Variants in SYNE2 observed in about 807,000 individuals in gnomAD.
SYNE2 encodes the protein nesprin-2.
Under a neutral mutation model 856.3 loss-of-function variants are expected in SYNE2, and 431 were observed. The ratio of observed to expected loss-of-function variants is 0.50; its 90% CI spans 0.47 to 0.55. The LOEUF is 0.55. SYNE2 is among the 20% of genes least tolerant of loss of function. The pLI, the probability that SYNE2 is intolerant of heterozygous loss-of-function variation, is 0.00. For synonymous variants in SYNE2, 2,923 were observed against 2,872.3 expected, an observed-to-expected ratio of 1.02 and a Z score of -0.56; for missense variants, 8,129 against 8,023.2, an observed-to-expected ratio of 1.01 and a Z score of -0.50.
Position 64,141,501 on chromosome 14 carries a change from A to T in SYNE2, c.15137A>T (p.Asp5046Val). ...KWTMLITQLP[D>V]IQEKLHQLQM... ...ACAATGCTCATAACTCAACTTCCAG[A>T]TATTCAAGAAAAACTTCACCAGGTA... is the stretch of plus-strand genomic sequence containing the variant. Residue 5046 changes from aspartate (D) to valine (V), a missense_variant, in exon 81 of 116, where the codon GAT becomes GTT. Physicochemically the swap from Asp to Val is radical, Grantham distance 152 (BLOSUM62 -3). Coordinates refer to ENST00000555002, the MANE Select transcript of SYNE2 (RefSeq NM_182914.3). 1 of 1,614,056 alleles carries T rather than the reference A, an allele frequency of 6.2e-7. No homozygotes were observed.
At chr14:63,776,020 T>C (rs1195557992) in intron 1 of SYNE2, among the ~76,000 whole-genome samples, 1 of 152,196 alleles carries the variant, frequency 6.6e-6, no homozygotes, top group African/African-American at 2.4e-5. Flanking sequence ...TTCATTTAAA[T>C]AGCATCTTAA....
chr14:64,020,875 TC>T (rs150116660), intron 35 of SYNE2, among the ~76,000 whole-genome samples: 1,717 of 152,348 alleles, frequency 0.011, 27 homozygotes, highest in African/African-American at 0.039. Context: ...AGCTTTATAA[TC>T]TTGGACAAGT....
At chr14:63,846,321 T>C (rs1595168764) in intron 1 of SYNE2, among the ~76,000 whole-genome samples, 1 of 152,268 alleles carries the variant, frequency 6.6e-6, no homozygotes, top group East Asian at 1.9e-4. Context: ...GTGCTAGGAT[T>C]ATAGGTGAGA....
chr14:64,039,509 A>G (rs79236861), intron 45 of SYNE2, among the ~76,000 whole-genome samples: 1,719 of 152,304 alleles, frequency 0.011, 27 homozygotes, highest in African/African-American at 0.039. Context: ...CTCACCTCCT[A>G]TTCTTTTCCA....
At chr14:64,115,913 G>A (rs2097850504) in intron 66 of SYNE2, among the ~76,000 whole-genome samples, 1 of 152,158 alleles carries the variant, frequency 6.6e-6, no homozygotes, top group African/African-American at 2.4e-5. Context: ...CAGCACTTTG[G>A]GAGGCCAAGG....
intron 6 of SYNE2, among the ~76,000 whole-genome samples, chr14:63,948,264 TA>T (rs1445313324): frequency 3.9e-5 from 6 of 152,222 alleles, no homozygotes; most frequent in African/African-American, 1.4e-4. Flanking sequence ...AATTGACATT[TA>T]AAAAATATTG....
At chr14:64,063,926 C>T (rs760741195) in intron 50 of SYNE2, among the ~76,000 whole-genome samples, 12 of 152,044 alleles carry the variant, frequency 7.9e-5, no homozygotes, top group Non-Finnish European at 1.6e-4. Flanking sequence ...TTCCTGTACA[C>T]GCCTATGATA....
At chr14:64,060,533 T>C (rs1286233418) in intron 49 of SYNE2, among the ~76,000 whole-genome samples, 4 of 152,120 alleles carry the variant, frequency 2.6e-5, no homozygotes, top group African/African-American at 9.7e-5. Context: ...CAAAGTCCTC[T>C]TTACTCTTCC....
Position 64,002,814 on chromosome 14 carries a change from T to C in SYNE2, c.3881T>C (p.Leu1294Pro). The C allele has an allele frequency of 6.2e-7, 1 of 1,614,190 alleles. No homozygotes were observed. Among genetic ancestry groups the C allele is most frequent in the Non-Finnish European group, 8.5e-7 (1 of 1,180,022 alleles). ...FVLKELHPFD[L>P]HAMQNIILKY... ...TTAAAGGAGTTACACCCATTTGATC[T>C]ACACGCAATGCAGAATATTATACTG... is the stretch of plus-strand genomic sequence containing the variant. Residue 1294 changes from leucine (L) to proline (P), a missense_variant, in exon 30 of 116, where the codon CTA (leucine) becomes CCA (proline). Physicochemically the swap from Leu to Pro is moderately conservative, Grantham distance 98 (BLOSUM62 -3). This residue lies in a region of SYNE2 where 2,422 missense variants were observed against 2,357.4 expected (regional missense o/e 1.03). Transcript: ENST00000555002.
intron 1 of SYNE2, among the ~76,000 whole-genome samples, chr14:63,783,212 T>C (rs1887381774): frequency 1.3e-5 from 2 of 152,156 alleles, no homozygotes; most frequent in South Asian, 2.1e-4. Context: ...GTTTTATAAG[T>C]GTTTGGTAGT....
chr14:64,004,050 G>C (rs2096775839), intron 30 of SYNE2, among the ~76,000 whole-genome samples: 2 of 151,850 alleles, frequency 1.3e-5, no homozygotes, highest in South Asian at 4.2e-4. Flanking sequence ...CCTTTCGACA[G>C]AGTCTTGCTC....
At chr14:64,184,358 G>GTGTGTGTGTGTGTA (rs989630777) in intron 96 of SYNE2, among the ~76,000 whole-genome samples, 23 of 150,722 alleles carry the variant, frequency 1.5e-4, no homozygotes, top group African/African-American at 4.9e-4. Context: ...GTGTGTGTGT[G>GTGTGTGTGTGTGTA]TGTGTATGTG....
At chr14:64,033,515 C>CAA (rs34976939) in intron 45 of SYNE2, among the ~76,000 whole-genome samples, 1 of 141,106 alleles carries the variant, frequency 7.1e-6, no homozygotes, top group African/African-American at 2.7e-5. Flanking sequence ...CCAGTCTCTA[C>CAA]AAAAAAAAAA....
intron 52 of SYNE2, 134 bp downstream of exon 52, chr14:64,071,044 G>A (rs560383256): frequency 9.3e-6 from 8 of 858,556 alleles, no homozygotes; most frequent in Non-Finnish European, 1.3e-5. Flanking sequence ...GGTATAAAAA[G>A]GGATGGAACA....
chr14:63,990,418 T>G lies in SYNE2; in HGVS notation c.2321T>G (p.Ile774Ser). The change falls in exon 20 of 116, where the codon ATT becomes AGT. Residue 774 changes from isoleucine (I) to serine (S), a missense_variant. Transcript: ENST00000555002. ...TSMEESLKHL[I>S]AKGSMFDELM... The stretch of plus-strand genomic sequence containing the variant: ...TTCAATTTGTTTTAATAGCATCTTA[T>G]TGCCAAAGGCTCTATGTTTGATGAG... 1 of 1,612,822 alleles carries G rather than the reference T, an allele frequency of 6.2e-7. No individual in the cohort carries two copies. The highest frequency in any genetic ancestry group is 1.1e-5 in the South Asian group (1 of 91,012).
intron 10 of SYNE2, among the ~76,000 whole-genome samples, chr14:63,966,893 C>T (rs1032636383): frequency 5.3e-5 from 8 of 150,880 alleles, no homozygotes; most frequent in Non-Finnish European, 5.9e-5. Context: ...TTTTTTGAGA[C>T]GGAGTCTCTG....
rs371233089 is a variant in SYNE2 at position 63,974,629 on chromosome 14, G to A, written c.1129-1934G>A. Among the ~76,000 whole-genome samples the A allele has an allele frequency of 3.8e-4, 57 of 150,986 alleles. No homozygotes were observed. The East Asian group carries it at 6.2e-3, about 17-fold the overall frequency. On this transcript the variant is annotated intron_variant, in intron 11 of 115. Coordinates refer to ENST00000555002, the MANE Select transcript of SYNE2 (RefSeq NM_182914.3). ...GCTGGAGTGCACTGGTGTGATCTTG[G>A]CTCACTGCAGCCTCCACCTCCTGGG...
rs751234108 is a variant in SYNE2 at position 64,218,447 on chromosome 14, G to A, written c.19592G>A (p.Arg6531Gln). ...PGTDGGKEGPRVLNGNPQQED... is the reference protein window; with the variant it reads ...PGTDGGKEGPQVLNGNPQQED... ...ACGGATGGTGGCAAAGAAGGCCCGC[G>A]AGTCCTGAATGGCAACCCACAGCAG... Residue 6531 changes from arginine (R) to glutamine (Q), a missense_variant, in exon 109 of 116, where the codon CGA becomes CAA. Physicochemically the swap from Arg to Gln is conservative, Grantham distance 43 (BLOSUM62 1). Around this residue, in one of 3 missense-constraint regions of SYNE2, gnomAD observed 5,410 missense variants for 5,284.8 expected, o/e 1.02. Coordinates refer to ENST00000555002, the MANE Select transcript of SYNE2 (RefSeq NM_182914.3). The A allele has an allele frequency of 3.2e-5, 51 of 1,614,002 alleles. No individual in the cohort carries two copies. Among genetic ancestry groups the A allele is most frequent in the Non-Finnish European group, 4.2e-5 (49 of 1,180,038 alleles).
At chr14:63,870,942 A>T (rs1284251168) in intron 1 of SYNE2, among the ~76,000 whole-genome samples, 1 of 152,140 alleles carries the variant, frequency 6.6e-6, no homozygotes, top group African/African-American at 2.4e-5. Flanking sequence ...TCCCAGATTC[A>T]TTTATTTTCC....
Sources: gnomAD v4.1 joint callset for allele counts (sites outside exome capture counted in the v4.1 genomes callset) on GRCh38, gnomAD v4.1.1 for gene constraint, gnomAD v4.1.1 regional missense constraint, MANE v1.5 for transcripts, NCBI Gene and HGNC (gene_info 2026-07-23, HGNC 2026-07-21) for gene names.